TALDO1: variants seen among roughly 807,000 people sequenced by gnomAD.
TALDO1 encodes the protein transaldolase 1, also known as transaldolase.
A neutral mutation model predicts 38.1 loss-of-function variants in TALDO1; 29 were observed. That is an observed-to-expected ratio of 0.76 (90% CI 0.57 to 1.04). The LOEUF (loss-of-function observed/expected upper bound fraction) is 1.04. Among genes scored for constraint, TALDO1 ranks in the 50% least tolerant of loss-of-function variants. The pLI is 0.00. For synonymous variants in TALDO1, 207 were observed against 176.8 expected, an observed-to-expected ratio of 1.17 and a Z score of -1.36; for missense variants, 499 against 438.1, an observed-to-expected ratio of 1.14 and a Z score of -1.24.
rs747518730 is a variant in TALDO1 at position 764,879 on chromosome 11, G to A, written c.*34G>A. 5.6e-6 allele frequency: 9 copies of A among 1,613,652 alleles called. No homozygotes were observed. The highest frequency in any genetic ancestry group is 5.0e-5 in the Admixed American group (3 of 60,014). On this transcript the variant is annotated 3_prime_UTR_variant, in exon 8 of 8. Transcript: ENST00000319006. ...TGAGGCTGGACTCCAGATCTGCACC[G>A]CCGGCCAGCTGGGATCTGACTGCAC... is the stretch of plus-strand genomic sequence containing the variant.
intron 1 of TALDO1, among the ~76,000 whole-genome samples, chr11:749,345 T>A: frequency 7.4e-6 from 1 of 135,218 alleles, no homozygotes; most frequent in East Asian, 2.1e-4. Context: ...GAGGTTGCAG[T>A]GAGCCAAGAT....
At position 764,381 on chromosome 11, in the gene TALDO1, A is replaced by T. The variant is rs1261202722; in HGVS notation, c.929A>T (p.Asp310Val). ...CAGATGGCTGTGGAGAAGCTCTCTG[A>T]CGGGATCCGCAAGTTTGCCGCTGAT... ...EDQMAVEKLSDGIRKFAADAV... is the reference protein window; with the variant it reads ...EDQMAVEKLSVGIRKFAADAV... Residue 310 changes from aspartate (D) to valine (V), a missense_variant, in exon 7 of 8, where the codon GAC (aspartate) becomes GTC (valine). Asp to Val is a radical substitution (Grantham distance 152). Transcript: ENST00000319006. The T allele has an allele frequency of 6.2e-7, 1 of 1,613,644 alleles. No homozygotes were observed.
intron 1 of TALDO1, among the ~76,000 whole-genome samples, chr11:748,154 A>G (rs1281116126): frequency 6.6e-6 from 1 of 152,208 alleles, no homozygotes; most frequent in African/African-American, 2.4e-5. Context: ...GCGAGATGCA[A>G]TTTTGTTGGG....
chr11:751,743 C>T (rs1239875933), intron 1 of TALDO1, among the ~76,000 whole-genome samples: 8 of 152,082 alleles, frequency 5.3e-5, no homozygotes, highest in Middle Eastern at 3.4e-3. Context: ...TGCAGTGAGC[C>T]GGGATCACGC....
intron 2 of TALDO1, 109 bp from the exon 3 acceptor site, chr11:758,841 A>C: frequency 1.4e-6 from 1 of 737,756 alleles, no homozygotes; most frequent in East Asian, 3.5e-5. Flanking sequence ...TCCTGACCTC[A>C]TGATCCGCCC....
At chr11:757,289 A>AATTTTTTTTTTTT (rs760488488) in intron 2 of TALDO1, among the ~76,000 whole-genome samples, 2 of 135,596 alleles carry the variant, frequency 1.5e-5, no homozygotes. Flanking sequence ...ATGGCCCCAA[A>AATTTTTTTTTTTT]TTTTTTTTTT....
rs760991478 is a variant in TALDO1, at chr11:764,435, T to C, written c.981+2T>C. On this transcript the variant is annotated splice_donor_variant, in intron 7 of 7. Coordinates refer to ENST00000319006, the MANE Select transcript of TALDO1 (RefSeq NM_006755.2). LOFTEE classifies it high-confidence loss of function. ...GTGAAGCTGGAGCGGATGCTGACAG[T>C]GAGTGTTGTGTGTGGGTACCTACAT... The C allele has an allele frequency of 6.2e-7, 1 of 1,613,870 alleles. No homozygotes were observed. Among genetic ancestry groups the C allele is most frequent in the South Asian group, 1.1e-5 (1 of 91,052 alleles).
Position 763,325 on chromosome 11 carries a change from ACC to A in TALDO1, c.462-18_462-17del. Reference sequence around the variant, plus strand: ...CCCCGCCCTCACCTGCCCCGCCCTCACCTGTCCCCGCCCCGCAGGGAGCTCGA... The same window carrying A: ...CCCCGCCCTCACCTGCCCCGCCCTCATGTCCCCGCCCCGCAGGGAGCTCGA... On this transcript the variant is annotated splice_polypyrimidine_tract_variant and intron_variant, in intron 4 of 7. Transcript: ENST00000319006. 1.4e-6 allele frequency: 2 copies of A among 1,399,558 alleles called. No individual in the cohort carries two copies. The highest frequency in any genetic ancestry group is 3.1e-5 in the East Asian group (1 of 32,086). 86.7% of individuals were successfully genotyped at this position (1,399,558 alleles called of 1,614,324 possible).
chr11:759,212 G>A (rs1158221214), intron 3 of TALDO1, among the ~76,000 whole-genome samples, 155 bp downstream of exon 3: 1 of 152,130 alleles, frequency 6.6e-6, no homozygotes, highest in African/African-American at 2.4e-5. Flanking sequence ...AGTTGGTAGT[G>A]ATGACCAAGA....
chr11:749,776 C>T (rs11246300), intron 1 of TALDO1, among the ~76,000 whole-genome samples: 24,452 of 152,220 alleles, frequency 0.16, 2,545 homozygotes, highest in Non-Finnish European at 0.22. Flanking sequence ...TTTTACAGGA[C>T]GAAATGGGCT....
intron 2 of TALDO1, 119 bp downstream of exon 2, chr11:756,121 A>T: frequency 7.1e-7 from 1 of 1,414,232 alleles, no homozygotes; most frequent in Admixed American, 2.5e-5. Flanking sequence ...GGGGAAAAAA[A>T]CCCTATCTTT....
At chr11:752,933 C>G (rs1862772274) in intron 1 of TALDO1, among the ~76,000 whole-genome samples, 1 of 152,174 alleles carries the variant, frequency 6.6e-6, no homozygotes, top group Admixed American at 6.6e-5. Flanking sequence ...GGATCTGAGG[C>G]TGTCTCCAGG....
Position 753,563 on chromosome 11 carries a change from A to C in TALDO1, c.98-2316A>C, listed in dbSNP as rs571612457. Among the ~76,000 whole-genome samples, 1,480 of 151,506 alleles carry C rather than the reference A, an allele frequency of 9.8e-3. 7 individuals carry two copies. Among genetic ancestry groups the C allele is most frequent in the Middle Eastern group, 0.017 (5 of 294 alleles). On this transcript the variant is annotated intron_variant, in intron 1 of 7. Coordinates refer to ENST00000319006, the MANE Select transcript of TALDO1 (RefSeq NM_006755.2). ...TAAAAATACAAATACAAAAAAAAAA[A>C]CACAAAAAACCATAGCCTGGCGTGG...
chr11:764,456 T>A, intron 7 of TALDO1, 23 bp downstream of exon 7: 1 of 1,607,914 alleles, frequency 6.2e-7, no homozygotes, highest in Non-Finnish European at 8.5e-7. Flanking sequence ...TGTGGGTACC[T>A]ACATATGCCA....
rs1490204189 is a variant in TALDO1, at chr11:763,251, ATCCCCGCCCTCACCG to A, written c.462-78_462-64del. ...CCCTCACCCGCCCCCGCCCTCACCC[ATCCCCGCCCTCACCG>A]TCCCCGCCCTCACCCGCCCCCGCCC... On this transcript the variant is annotated intron_variant, in intron 4 of 7. Coordinates refer to ENST00000319006, the MANE Select transcript of TALDO1 (RefSeq NM_006755.2). The A allele has an allele frequency of 2.5e-3, 136 of 53,880 alleles. 3 individuals carry two copies. The highest frequency in any genetic ancestry group is 0.012 in the South Asian group (46 of 3,724). 3.3% of individuals were successfully genotyped at this position (53,880 alleles called of 1,614,324 possible). A position where few individuals can be genotyped will look rare whatever the true frequency, so the allele number is the denominator to read the frequency against.
intron 6 of TALDO1, 143 bp from the exon 7 acceptor site, chr11:764,145 C>A: frequency 6.7e-7 from 1 of 1,496,128 alleles, no homozygotes; most frequent in Non-Finnish European, 9.2e-7. Context: ...GGGCTGAACC[C>A]CACTTCCAGC....
In TALDO1 at chr11:763,437, C is replaced by T. The variant is rs1862989079; in HGVS notation, c.555C>T (p.Leu185=). ...CCTGTGCCGAGGCGGGTGTGACCCT[C>T]ATCTCCCCATTTGTTGGGCGCATCC... ...AVACAEAGVT[L]ISPFVGRILD... The change falls in exon 5 of 8, where the codon CTC becomes CTT. Residue 185 remains leucine (L), a synonymous_variant. Transcript: ENST00000319006. The T allele has an allele frequency of 6.2e-7, 1 of 1,613,524 alleles. No individual in the cohort carries two copies. Among genetic ancestry groups the T allele is most frequent in the Non-Finnish European group, 8.5e-7 (1 of 1,179,920 alleles).
chr11:762,743 C>T (rs1862960465), intron 4 of TALDO1, among the ~76,000 whole-genome samples: 1 of 152,268 alleles, frequency 6.6e-6, no homozygotes, highest in Non-Finnish European at 1.5e-5. Flanking sequence ...TGGGGATCAA[C>T]CCCAGGATGT....
At chr11:763,694 TG>T (rs768683522) in intron 5 of TALDO1, 52 bp from the exon 6 acceptor site, 3 of 1,596,790 alleles carry the variant, frequency 1.9e-6, no homozygotes, top group Non-Finnish European at 2.6e-6. Context: ...GGAGGGCAGG[TG>T]GGGTGGTACC....
Sources: gnomAD v4.1 joint callset for allele counts (sites outside exome capture counted in the v4.1 genomes callset) on GRCh38, gnomAD v4.1.1 for gene constraint, MANE v1.5 for transcripts, NCBI Gene and HGNC (gene_info 2026-07-23, HGNC 2026-07-21) for gene names.